The following EXOSC10 variants were observed in gnomAD, a reference collection of about 807,000 sequenced individuals.
EXOSC10 encodes the protein exosome component 10.
EXOSC10 carries 94 observed loss-of-function variants against 126.6 expected under a neutral mutation model. The ratio of observed to expected loss-of-function variants is 0.74; its 90% confidence interval spans 0.63 to 0.88. The LOEUF is 0.88. EXOSC10 is among the 40% of genes least tolerant of loss of function. The pLI is 0.00. For missense variants in EXOSC10, 1,041 were observed against 1,100.5 expected (o/e 0.95, Z 0.77); for synonymous variants, 395 against 400.8 (o/e 0.99, Z 0.17).
Position 11,091,095 on chromosome 1 carries a change from G to A in EXOSC10, c.562C>T (p.Arg188Ter), listed in dbSNP as rs760850094. 4 of 1,614,176 alleles carry A rather than the reference G, an allele frequency of 2.5e-6. No homozygotes were observed. The highest frequency in any genetic ancestry group is 4.5e-5 in the East Asian group (2 of 44,892). The change falls in exon 5 of 25, where the codon CGA (arginine) becomes TGA (stop). Residue 188 changes from arginine to a stop codon, truncating the protein, a stop_gained. Transcript: ENST00000376936. LOFTEE classifies it high-confidence loss of function. ...KNIIRPQLKF[R>*]EKIDNSNTPF... ...GTGTTGGAATTGTCAATCTTCTCTC[G>A]AAACTTGAGCTGAGGTCGGATGATA...
chr1:11,099,697 ACCC>A, intron 1 of EXOSC10, 21 bp downstream of exon 1: 1 of 1,578,048 alleles, frequency 6.3e-7, no homozygotes, highest in Non-Finnish European at 8.6e-7. Flanking sequence ...GACTCCTGGT[ACCC>A]CCGAGGCCCC....
At chr1:11,099,698 C>T (rs368069120) in intron 1 of EXOSC10, 23 bp downstream of exon 1, 560 of 1,579,686 alleles carry the variant, frequency 3.5e-4, no homozygotes, top group Non-Finnish European at 4.6e-4. Flanking sequence ...ACTCCTGGTA[C>T]CCCCGAGGCC....
At chr1:11,073,150 T>A (rs945303660) in intron 19 of EXOSC10, 5 of 152,260 alleles carry the variant, frequency 3.3e-5, no homozygotes, top group African/African-American at 1.2e-4. Context: ...CTTTTTCTTT[T>A]TTGGCTAGAG....
chr1:11,084,762 A>G (rs1640395353), intron 9 of EXOSC10, among the ~76,000 whole-genome samples: 1 of 152,190 alleles, frequency 6.6e-6, no homozygotes, highest in African/African-American at 2.4e-5. Flanking sequence ...TTTTAGGTCT[A>G]ACGTTGTTAA....
chr1:11,088,082 G>C (rs1235960071), intron 7 of EXOSC10, 41 bp downstream of exon 7: 3 of 1,496,660 alleles, frequency 2.0e-6, no homozygotes, highest in East Asian at 4.5e-5. Context: ...ATTCCTCTTG[G>C]GCTACTACAC....
At chr1:11,095,517 T>A (rs1202744736) in intron 3 of EXOSC10, 2 of 324,008 alleles carry the variant, frequency 6.2e-6, no homozygotes, top group East Asian at 6.2e-5. Flanking sequence ...ATCGAGACCA[T>A]CCTGGCTAAC....
intron 9 of EXOSC10, among the ~76,000 whole-genome samples, chr1:11,083,203 C>T (rs1640266491): frequency 6.6e-6 from 1 of 152,192 alleles, no homozygotes; most frequent in Non-Finnish European, 1.5e-5. Flanking sequence ...CCTGCCTCAG[C>T]TCCCCAAAAT....
At chr1:11,073,000 G>A (rs939916234) in intron 19 of EXOSC10, 7 of 152,208 alleles carry the variant, frequency 4.6e-5, no homozygotes, top group Admixed American at 3.3e-4. Flanking sequence ...TCACCTTTAA[G>A]AGCCTTAAAG....
chr1:11,075,853 CAAAAAAAAAAAAAAAAA>C (rs58667041), intron 17 of EXOSC10, among the ~76,000 whole-genome samples: 3 of 35,122 alleles, frequency 8.5e-5, no homozygotes, highest in Admixed American at 9.8e-4. Flanking sequence ...GATCCTGTCA[CAAAAAAAAAAAAAAAAA>C]AAAAAAAAAA....
intron 1 of EXOSC10, among the ~76,000 whole-genome samples, 185 bp from the exon 2 acceptor site, chr1:11,098,341 G>A (rs573703793): frequency 6.6e-6 from 1 of 152,286 alleles, no homozygotes; most frequent in South Asian, 2.1e-4. Flanking sequence ...AACCAAGTTT[G>A]GAGCTTATAT....
chr1:11,068,817 A>G, intron 22 of EXOSC10, 111 bp from the exon 23 acceptor site: 3 of 844,128 alleles, frequency 3.6e-6, no homozygotes, highest in African/African-American at 1.7e-5. Flanking sequence ...TGGCTGTGAG[A>G]GCACCCCTGT....
chr1:11,081,104 C>A lies in EXOSC10; in HGVS notation c.1415G>T (p.Arg472Leu), dbSNP rs773990428. 6.2e-7 allele frequency: 1 copy of A among 1,614,190 alleles called. No homozygotes were observed. The highest frequency in any genetic ancestry group is 1.1e-5 in the South Asian group (1 of 91,082). Residue 472 changes from arginine (R) to leucine (L), a missense_variant, in exon 11 of 25, where the codon CGG becomes CTG. By Grantham distance (102) the Arg-to-Leu change is moderately radical. Around this residue, in one of 3 missense-constraint regions of EXOSC10, gnomAD observed 645 missense variants for 656.3 expected, o/e 0.98. Coordinates refer to ENST00000376936, the MANE Select transcript of EXOSC10 (RefSeq NM_001001998.3). ...TACCTTGAGGCAGATGTCCCTGCTCCGTTGCCACACCACCTGCAGCTGCAC... is the reference window on the plus strand; with the variant it reads ...TACCTTGAGGCAGATGTCCCTGCTCAGTTGCCACACCACCTGCAGCTGCAC... Reference protein sequence around the residue: ...QPVQLQVVWQRSRDICLKKFI... With the variant: ...QPVQLQVVWQLSRDICLKKFI...
chr1:11,093,323 A>T (rs1418225899), intron 3 of EXOSC10, among the ~76,000 whole-genome samples: 2 of 152,222 alleles, frequency 1.3e-5, no homozygotes, highest in Non-Finnish European at 2.9e-5. Context: ...ACTATTTAGA[A>T]TGAAACTGCA....
At chr1:11,086,501 T>G (rs1417265658) in intron 9 of EXOSC10, among the ~76,000 whole-genome samples, 1 of 149,126 alleles carries the variant, frequency 6.7e-6, no homozygotes, top group Non-Finnish European at 1.5e-5. Flanking sequence ...GTCTATTTGA[T>G]TCTTCTATTT....
chr1:11,069,259 G>GAGAGAGAGAGAGAGAGAGAGA (rs1553164212), intron 22 of EXOSC10, among the ~76,000 whole-genome samples: 7 of 132,386 alleles, frequency 5.3e-5, no homozygotes, highest in Admixed American at 8.3e-5. Flanking sequence ...GAGAGAGAGA[G>GAGAGAGAGAGAGAGAGAGAGA]GGTTTATGGG....
At chr1:11,083,587 T>A (rs1035524933) in intron 9 of EXOSC10, among the ~76,000 whole-genome samples, 34 of 130,182 alleles carry the variant, frequency 2.6e-4, no homozygotes, top group African/African-American at 9.1e-4. Flanking sequence ...AAAAAAAAAT[T>A]AGATATATGC....
Position 11,091,552 on chromosome 1 carries a change from G to A in EXOSC10, c.418C>T (p.Pro140Ser). 6.2e-7 allele frequency: 1 copy of A among 1,614,158 alleles called. No individual in the cohort carries two copies. Among genetic ancestry groups the A allele is most frequent in the Non-Finnish European group, 8.5e-7 (1 of 1,180,014 alleles). Reference protein sequence around the residue: ...EASGVNKNQQPVLPAGLQVPK... With the variant: ...EASGVNKNQQSVLPAGLQVPK... Reference sequence around the variant, plus strand: ...ACCTGCAAGCCGGCAGGGAGGACAGGCTGTTGATTCTTGTTTACACCTGAG... The same window carrying A: ...ACCTGCAAGCCGGCAGGGAGGACAGACTGTTGATTCTTGTTTACACCTGAG... Residue 140 changes from proline to serine, a missense_variant, in exon 4 of 25, where the codon CCT becomes TCT. Physicochemically the swap from Pro to Ser is moderately conservative, Grantham distance 74. Coordinates refer to ENST00000376936, the MANE Select transcript of EXOSC10 (RefSeq NM_001001998.3).
chr1:11,090,587 T>A lies in EXOSC10; in HGVS notation c.725A>T (p.His242Leu). The A allele has an allele frequency of 1.2e-6, 2 of 1,614,160 alleles. No homozygotes were observed. Among genetic ancestry groups the A allele is most frequent in the Non-Finnish European group, 8.5e-7 (1 of 1,180,020 alleles). ...DVPPALADFI[H>L]QQRTQQVEQD... The stretch of plus-strand genomic sequence containing the variant: ...CTCAACCTGCTGGGTTCTCTGCTGA[T>A]GGATGAAATCAGCCAGTGCAGGGGG... The change falls in exon 6 of 25, where the codon CAT (histidine) becomes CTT (leucine). Residue 242 changes from histidine (H) to leucine (L), a missense_variant. His to Leu is a moderately conservative substitution (Grantham distance 99). This residue lies in a region of EXOSC10 where 645 missense variants were observed against 656.3 expected (regional missense o/e 0.98). Coordinates refer to ENST00000376936, the MANE Select transcript of EXOSC10 (RefSeq NM_001001998.3).
intron 13 of EXOSC10, 113 bp downstream of exon 13, chr1:11,080,386 G>T: frequency 1.5e-6 from 2 of 1,304,532 alleles, no homozygotes; most frequent in Non-Finnish European, 2.2e-6. Context: ...CAAGCTTGGA[G>T]CATTAATCTC....
Sources: allele counts gnomAD v4.1 joint callset (sites outside exome capture counted in the v4.1 genomes callset), GRCh38; gene constraint gnomAD v4.1.1; regional missense constraint gnomAD v4.1.1; transcripts MANE v1.5; gene names NCBI Gene and HGNC (gene_info 2026-07-23, HGNC 2026-07-21).